The following OPRM1 variants were observed in gnomAD, a reference collection of about 807,000 sequenced individuals.
The protein encoded by OPRM1 is opioid receptor mu 1.
In OPRM1, 27 loss-of-function variants were observed where a neutral mutation model predicts 31.8. That is an observed-to-expected ratio of 0.85 (90% CI 0.63 to 1.17). The LOEUF is 1.17. Ranked by LOEUF, OPRM1 falls within the 50% of genes most tolerant of loss-of-function variation. The pLI is 0.00. For synonymous variants in OPRM1, 196 were observed against 189.9 expected (o/e 1.03, Z -0.26); for missense variants, 536 against 511.1 (o/e 1.05, Z -0.47).
intron 3 of OPRM1, among the ~76,000 whole-genome samples, chr6:154,170,613 A>C (rs549773600): frequency 6.6e-5 from 10 of 152,310 alleles, no homozygotes; most frequent in African/African-American, 2.4e-4. Flanking sequence ...TCAAAACTAC[A>C]TCTGAAGACA....
At chr6:154,031,165 A>G (rs1778986113) in intron 1 of OPRM1, among the ~76,000 whole-genome samples, 1 of 152,244 alleles carries the variant, frequency 6.6e-6, no homozygotes, top group African/African-American at 2.4e-5. Context: ...CATTTCAAAA[A>G]TGCAATATCT....
Position 154,039,283 on chromosome 6 carries a change from C to G in OPRM1, c.-262C>G, listed in dbSNP as rs1449207417. The G allele has an allele frequency of 1.9e-6, 3 of 1,551,570 alleles. No individual in the cohort carries two copies. Among genetic ancestry groups the G allele is most frequent in the South Asian group, 2.4e-5 (2 of 84,012 alleles). ...CCGAATCCCGCATGGCCCACGCTCC[C>G]CTCCTGCAGCGGTGCGGGGCAGGTG... On this transcript the variant is annotated 5_prime_UTR_variant, in exon 1 of 4. Transcript: ENST00000330432.
intron 1 of OPRM1, among the ~76,000 whole-genome samples, chr6:154,084,320 T>C (rs1373274448): frequency 6.6e-6 from 1 of 152,142 alleles, no homozygotes; most frequent in African/African-American, 2.4e-5. Flanking sequence ...AATAGCAACC[T>C]AATATATAGT....
At chr6:154,101,039 T>G (rs1005061251) in intron 3 of OPRM1, among the ~76,000 whole-genome samples, 4 of 151,464 alleles carry the variant, frequency 2.6e-5, no homozygotes, top group African/African-American at 9.7e-5. Flanking sequence ...TGGATTCCTT[T>G]AAGATGTAAT....
At chr6:154,028,212 C>A (rs749502118) in intron 1 of OPRM1, among the ~76,000 whole-genome samples, 1 of 152,130 alleles carries the variant, frequency 6.6e-6, no homozygotes, top group Non-Finnish European at 1.5e-5. Flanking sequence ...TTTTCCAGGA[C>A]TGGGTTCTTC....
At chr6:154,234,788 T>G (rs182991906) in intron 3 of OPRM1, among the ~76,000 whole-genome samples, 3 of 152,346 alleles carry the variant, frequency 2.0e-5, no homozygotes, top group Admixed American at 2.0e-4. Flanking sequence ...AAGTTACTAG[T>G]GAACTTTCAG....
chr6:154,166,841 T>C (rs1022575707), intron 3 of OPRM1, among the ~76,000 whole-genome samples: 1 of 152,230 alleles, frequency 6.6e-6, no homozygotes, highest in Non-Finnish European at 1.5e-5. Context: ...TTCATCAGCT[T>C]CGTACATACT....
At chr6:154,176,757 A>G (rs941223584) in intron 3 of OPRM1, among the ~76,000 whole-genome samples, 2 of 152,130 alleles carry the variant, frequency 1.3e-5, no homozygotes, top group African/African-American at 2.4e-5. Context: ...AGGTAATTCA[A>G]TGCTATCCCC....
intron 1 of OPRM1, chr6:154,087,019 T>C: frequency 1.0e-6 from 1 of 983,928 alleles, no homozygotes; most frequent in Non-Finnish European, 1.2e-6. Context: ...TTTTTATATT[T>C]GCCATATTTA....
intron 1 of OPRM1, 119 bp downstream of exon 1, chr6:154,039,953 G>C: frequency 1.1e-6 from 1 of 879,696 alleles, no homozygotes; most frequent in South Asian, 1.9e-5. Context: ...GGTAAACTGG[G>C]GGGACTCTGG....
intron 3 of OPRM1, among the ~76,000 whole-genome samples, chr6:154,099,058 T>C (rs1344544089): frequency 6.6e-6 from 1 of 152,028 alleles, no homozygotes; most frequent in African/African-American, 2.4e-5. Context: ...GGCCAGTGAA[T>C]TGCTTGAGCC....
At chr6:154,105,970 G>A (rs1795507303) in intron 3 of OPRM1, among the ~76,000 whole-genome samples, 1 of 152,104 alleles carries the variant, frequency 6.6e-6, no homozygotes, top group African/African-American at 2.4e-5. Context: ...TTGTGTAAGA[G>A]CAGATCAGTG....
At position 154,131,709 on chromosome 6, in the gene OPRM1, CAT is replaced by C. The variant is rs1299170001; in HGVS notation, c.*12989_*12990del. 6.6e-6 allele frequency among the ~76,000 whole-genome samples: 1 copy of C among 152,150 alleles called. No individual in the cohort carries two copies. Among genetic ancestry groups the C allele is most frequent in the Non-Finnish European group, 1.5e-5 (1 of 68,022 alleles). On this transcript the variant is annotated 3_prime_UTR_variant, in exon 4 of 4. Coordinates refer to ENST00000330432, the MANE Select transcript of OPRM1 (RefSeq NM_000914.5). ...ATGAAAACACAATCACCTTTCAAAA[CAT>C]GGTATGAAATCCACAGTTGTAACAG...
intron 3 of OPRM1, among the ~76,000 whole-genome samples, chr6:154,092,548 G>T (rs909756570): frequency 6.6e-6 from 1 of 152,160 alleles, no homozygotes; most frequent in African/African-American, 2.4e-5. Flanking sequence ...CCGGAGAAAT[G>T]AATAGCAAGT....
chr6:154,199,466 T>C (rs1776901525), intron 3 of OPRM1, among the ~76,000 whole-genome samples: 1 of 152,238 alleles, frequency 6.6e-6, no homozygotes, highest in Non-Finnish European at 1.5e-5. Context: ...GTGACACTTA[T>C]AGCAAGTAAT....
At chr6:154,195,304 C>T (rs1379886307) in intron 3 of OPRM1, among the ~76,000 whole-genome samples, 2 of 151,948 alleles carry the variant, frequency 1.3e-5, no homozygotes, top group Non-Finnish European at 2.9e-5. Context: ...CCCGCCACCA[C>T]ACCTGGCTAA....
At chr6:154,214,306 C>T (rs1778207177) in intron 3 of OPRM1, 6 of 1,518,350 alleles carry the variant, frequency 4.0e-6, no homozygotes, top group Non-Finnish European at 5.5e-6. Flanking sequence ...CAAATGTTGA[C>T]CAAAGAGATT....
exon 1 of OPRM1, chr6:154,010,996 A>G (rs546637796): frequency 2.1e-5 from 27 of 1,291,588 alleles, no homozygotes; most frequent in East Asian, 5.5e-5. Context: ...ACAAGGCACA[A>G]TGCTGAAATA....
At chr6:154,118,204 A>T (rs1233415266) in intron 3 of OPRM1, among the ~76,000 whole-genome samples, 1 of 152,206 alleles carries the variant, frequency 6.6e-6, no homozygotes. Flanking sequence ...ACTTCAAATC[A>T]GTTACAGGAA....
Sources: gnomAD v4.1 joint callset for allele counts (sites outside exome capture counted in the v4.1 genomes callset) on GRCh38, gnomAD v4.1.1 for gene constraint, MANE v1.5 for transcripts, NCBI Gene and HGNC (gene_info 2026-07-23, HGNC 2026-07-21) for gene names.